TTC28: variants seen among roughly 807,000 people sequenced by gnomAD.
TTC28 encodes tetratricopeptide repeat protein 28.
A neutral mutation model predicts 198.0 loss-of-function variants in TTC28; 61 were observed. The observed-to-expected ratio is 0.31, with a 90% CI of 0.25 to 0.38. The LOEUF is 0.38. TTC28 is among the 10% of genes least tolerant of loss of function. The pLI, the probability that TTC28 is intolerant of heterozygous loss-of-function variation, is 1.00. For synonymous variants in TTC28, 1,171 were observed against 1,297.8 expected (o/e 0.90, Z 2.10); for missense variants, 2,678 against 3,164.0 (o/e 0.85, Z 3.69).
chr22:28,171,654 TA>T (rs1174987722), intron 5 of TTC28, among the ~76,000 whole-genome samples: 2 of 150,656 alleles, frequency 1.3e-5, no homozygotes, highest in Non-Finnish European at 2.9e-5. Context: ...CATATTGTTT[TA>T]AGTTGCTTTT....
chr22:28,652,219 T>C (rs1425742356), intron 1 of TTC28, among the ~76,000 whole-genome samples: 1 of 152,200 alleles, frequency 6.6e-6, no homozygotes, highest in African/African-American at 2.4e-5. Flanking sequence ...AACAGAAGCA[T>C]ATATGTGAAA....
At chr22:28,003,866 C>T (rs1369792589) in intron 14 of TTC28, among the ~76,000 whole-genome samples, 2 of 152,184 alleles carry the variant, frequency 1.3e-5, no homozygotes, top group African/African-American at 4.8e-5. Context: ...CTCCTGTGGC[C>T]CTATTGTCAG....
chr22:28,261,507 G>A (rs1233231925), intron 5 of TTC28, among the ~76,000 whole-genome samples: 1 of 152,106 alleles, frequency 6.6e-6, no homozygotes, highest in Non-Finnish European at 1.5e-5. Flanking sequence ...TATGTGAGAT[G>A]AGAAGCTACT....
chr22:28,416,031 CTTTCT>C (rs1268217303), intron 2 of TTC28, among the ~76,000 whole-genome samples: 1 of 152,140 alleles, frequency 6.6e-6, no homozygotes, highest in Non-Finnish European at 1.5e-5. Context: ...AGCTTAAAGG[CTTTCT>C]TTTAAAGAGG....
intron 2 of TTC28, among the ~76,000 whole-genome samples, chr22:28,398,695 T>TATGGAATTTCTAA (rs1256528749): frequency 1.3e-5 from 2 of 152,246 alleles, no homozygotes; most frequent in Non-Finnish European, 2.9e-5. Context: ...TGATCTCTAA[T>TATGGAATTTCTAA]ATGGAATTTC....
At chr22:28,568,155 T>C (rs1430103792) in intron 2 of TTC28, among the ~76,000 whole-genome samples, 1 of 152,200 alleles carries the variant, frequency 6.6e-6, no homozygotes. Context: ...ACAAGAATTA[T>C]GATATAATTA....
intron 2 of TTC28, among the ~76,000 whole-genome samples, chr22:28,430,305 T>C (rs1171636438): frequency 6.6e-6 from 1 of 152,184 alleles, no homozygotes; most frequent in African/African-American, 2.4e-5. Context: ...TTTACCACTA[T>C]AGCACATTCT....
intron 2 of TTC28, among the ~76,000 whole-genome samples, chr22:28,621,469 C>T (rs1448122187): frequency 1.3e-5 from 2 of 151,562 alleles, no homozygotes; most frequent in Admixed American, 6.6e-5. Context: ...AATCCCAGCA[C>T]TTCAGGAGGC....
chr22:28,586,009 G>A (rs1296091453), intron 2 of TTC28, among the ~76,000 whole-genome samples: 10 of 151,710 alleles, frequency 6.6e-5, no homozygotes, highest in Non-Finnish European at 1.2e-4. Flanking sequence ...AGCCGGGTGC[G>A]GTGGCTCATG....
chr22:28,519,733 T>C (rs778920554), intron 2 of TTC28, among the ~76,000 whole-genome samples: 11 of 152,212 alleles, frequency 7.2e-5, no homozygotes, highest in Non-Finnish European at 1.5e-4. Context: ...AAAGTCAGCA[T>C]GAGGAAACAC....
chr22:28,047,643 C>T (rs777468794), intron 12 of TTC28, among the ~76,000 whole-genome samples: 7 of 152,174 alleles, frequency 4.6e-5, no homozygotes, highest in Non-Finnish European at 7.3e-5. Flanking sequence ...TATCCCCTTG[C>T]CATAGCATCA....
At chr22:28,401,055 A>C (rs1245129831) in intron 2 of TTC28, among the ~76,000 whole-genome samples, 1 of 152,102 alleles carries the variant, frequency 6.6e-6, no homozygotes, top group East Asian at 1.9e-4. Context: ...AGGAGTAGTA[A>C]AGGCCAGAAA....
intron 2 of TTC28, among the ~76,000 whole-genome samples, chr22:28,368,605 T>C (rs776386118): frequency 6.6e-6 from 1 of 152,004 alleles, no homozygotes; most frequent in Non-Finnish European, 1.5e-5. Flanking sequence ...AAAGACAAAT[T>C]AGCCTTGTTT....
At chr22:28,055,899 T>C (rs944777068) in intron 12 of TTC28, among the ~76,000 whole-genome samples, 6 of 152,174 alleles carry the variant, frequency 3.9e-5, no homozygotes, top group Non-Finnish European at 8.8e-5. Flanking sequence ...GTTTATTGTA[T>C]AGCCTTTTGC....
At chr22:28,023,493 T>C (rs1938696177) in intron 13 of TTC28, among the ~76,000 whole-genome samples, 2 of 152,362 alleles carry the variant, frequency 1.3e-5, no homozygotes, top group South Asian at 4.1e-4. Flanking sequence ...ACCTGGTGTA[T>C]GGCAGCCTGC....
chr22:28,231,613 T>C (rs1928810286), intron 5 of TTC28, among the ~76,000 whole-genome samples: 1 of 152,224 alleles, frequency 6.6e-6, no homozygotes, highest in Admixed American at 6.5e-5. Context: ...GGTTGTGGAA[T>C]GTTAGCAGTT....
intron 5 of TTC28, among the ~76,000 whole-genome samples, chr22:28,166,026 A>G (rs1921893754): frequency 2.0e-5 from 3 of 152,234 alleles, no homozygotes; most frequent in Admixed American, 1.3e-4. Flanking sequence ...AGGGGTTGCA[A>G]TCCTAGTCTC....
chr22:28,541,039 A>C (rs1472013459), intron 2 of TTC28, among the ~76,000 whole-genome samples: 2 of 152,156 alleles, frequency 1.3e-5, no homozygotes, highest in African/African-American at 4.8e-5. Flanking sequence ...CTGTATTAAA[A>C]ATTATACTTG....
intron 2 of TTC28, among the ~76,000 whole-genome samples, chr22:28,532,169 T>C (rs111570443): frequency 0.02 from 3,031 of 151,528 alleles, 30 homozygotes; most frequent in Non-Finnish European, 0.027. Flanking sequence ...GCAAGACTAA[T>C]AGAGAAGAAA....
Sources: allele counts gnomAD v4.1 joint callset (sites outside exome capture counted in the v4.1 genomes callset), GRCh38; gene constraint gnomAD v4.1.1; transcripts MANE v1.5; gene names NCBI Gene and HGNC (gene_info 2026-07-23, HGNC 2026-07-21).